CCDC51: variants seen among roughly 807,000 people sequenced by gnomAD.
The protein encoded by CCDC51 is mitochondrial potassium channel.
CCDC51 carries 25 observed loss-of-function variants against 24.8 expected under a neutral mutation model. The observed-to-expected ratio is 1.01, with a 90% CI of 0.73 to 1.41. The LOEUF is 1.41. Ranked by LOEUF, CCDC51 falls within the 40% of genes most tolerant of loss-of-function variation. The pLI is 0.00. For missense variants in CCDC51, 466 were observed against 519.1 expected, an observed-to-expected ratio of 0.90 and a Z score of 0.99; for synonymous variants, 190 against 204.3, an observed-to-expected ratio of 0.93 and a Z score of 0.60.
upstream of CCDC51, chr3:48,440,715 T>G: frequency 8.3e-7 from 1 of 1,206,626 alleles, no homozygotes. Context: ...TTTTCCTGCC[T>G]CCTGAACTGC....
In CCDC51 at chr3:48,434,106, T is replaced by C. The variant is rs1231890059; in HGVS notation, c.313-235A>G. 9.8e-6 allele frequency: 8 copies of C among 818,308 alleles called. No homozygotes were observed. In the East Asian group the frequency reaches 2.1e-4, roughly 21 times the overall value. 50.7% of individuals were successfully genotyped at this position (818,308 alleles called of 1,614,324 possible). A position where few individuals can be genotyped will look rare whatever the true frequency, so the allele number is the denominator to read the frequency against. On this transcript the variant is annotated intron_variant, in intron 2 of 3. Coordinates refer to ENST00000395694, the MANE Select transcript of CCDC51 (RefSeq NM_001256964.2). Reference sequence around the variant, plus strand: ...CATTCAAGCAGAAATAACATGCCCCTGAAAAAACTTGAAAACAGCTAACAA... The same window carrying C: ...CATTCAAGCAGAAATAACATGCCCCCGAAAAAACTTGAAAACAGCTAACAA...
Position 48,435,914 on chromosome 3 carries a change from C to A in CCDC51, c.-8-778G>T, listed in dbSNP as rs1333909300. ...CTTCCATAAGCTTTCTCTTTCCTCTCCAACCTGCCATTGCTCAACAGGTTA... is the reference window on the plus strand; with the variant it reads ...CTTCCATAAGCTTTCTCTTTCCTCTACAACCTGCCATTGCTCAACAGGTTA... On this transcript the variant is annotated intron_variant, in intron 1 of 3. Transcript: ENST00000395694. This position sits in a 1 kb window ranked among gnomAD's most constrained non-coding sequence, Gnocchi z 4.2. Among the ~76,000 whole-genome samples, 1 of 152,232 alleles carries A rather than the reference C, an allele frequency of 6.6e-6. No homozygotes were observed. Among genetic ancestry groups the A allele is most frequent in the African/African-American group, 2.4e-5 (1 of 41,472 alleles).
chr3:48,433,888 G>T lies in CCDC51; in HGVS notation c.313-17C>A. On this transcript the variant is annotated splice_polypyrimidine_tract_variant and intron_variant, in intron 2 of 3. Transcript: ENST00000395694. The surrounding 1 kb of genome is among the most constrained non-coding windows in gnomAD (Gnocchi z 4.4). ...TTTCTCAGCCTGCAAAGAGAAAACC[G>T]GAGGCCATCTGCACCTTCTCTCCAC... The T allele has an allele frequency of 6.2e-7, 1 of 1,609,496 alleles. No individual in the cohort carries two copies.
upstream of CCDC51, among the ~76,000 whole-genome samples, chr3:48,443,552 G>A (rs752717142): frequency 1.5e-4 from 23 of 151,614 alleles, no homozygotes; most frequent in Non-Finnish European, 3.4e-4. Flanking sequence ...AAAAAAAAAG[G>A]ACTTCTTTTT....
chr3:48,443,400 A>T (rs2039611324), upstream of CCDC51, among the ~76,000 whole-genome samples: 1 of 151,840 alleles, frequency 6.6e-6, no homozygotes, highest in Admixed American at 6.6e-5. Flanking sequence ...TACAAAAATT[A>T]GCCAGGGCTT....
chr3:48,432,612 T>C lies in CCDC51; in HGVS notation c.1032A>G (p.Ala344=), dbSNP rs2039207752. 6.2e-7 allele frequency: 1 copy of C among 1,614,254 alleles called. No homozygotes were observed. Among genetic ancestry groups the C allele is most frequent in the African/African-American group, 1.3e-5 (1 of 75,072 alleles). Residue 344 remains alanine, a synonymous_variant, in exon 4 of 4, where the codon GCA becomes GCG. Transcript: ENST00000395694. ...MAGVVQLVKS[A]AHPGLVEPAD... is the part of the protein sequence containing the mutation. Reference sequence around the variant, plus strand: ...CTGGTTCCACCAGGCCTGGGTGTGCTGCAGACTTTACAAGCTGAACCACCC... The same window carrying C: ...CTGGTTCCACCAGGCCTGGGTGTGCCGCAGACTTTACAAGCTGAACCACCC...
chr3:48,439,173 A>G (rs1219644990), intron 1 of CCDC51, among the ~76,000 whole-genome samples: 1 of 152,142 alleles, frequency 6.6e-6, no homozygotes, highest in Non-Finnish European at 1.5e-5. Context: ...CATATATCAC[A>G]TGACCTGCAA....
Position 48,432,911 on chromosome 3 carries a change from G to A in CCDC51, c.733C>T (p.Gln245Ter), listed in dbSNP as rs763685857. The change falls in exon 4 of 4, where the codon CAA (glutamine) becomes TAA (stop). Residue 245 changes from glutamine to a stop codon, truncating the protein, a stop_gained. Coordinates refer to ENST00000395694, the MANE Select transcript of CCDC51 (RefSeq NM_001256964.2). LOFTEE classifies it high-confidence loss of function. Reference sequence around the variant, plus strand: ...GACGCCTGTTCTCGAATGGCCTCTTGGAGACTCACAGGCCCCTTCTGCGCC... The same window carrying A: ...GACGCCTGTTCTCGAATGGCCTCTTAGAGACTCACAGGCCCCTTCTGCGCC... Reference protein sequence around the residue: ...LEAQKGPVSLQEAIREQASSY... With the variant: ...LEAQKGPVSL 9.9e-6 allele frequency: 16 copies of A among 1,613,936 alleles called. No homozygotes were observed. In the South Asian group the frequency reaches 1.6e-4, roughly 17 times the overall value.
chr3:48,444,731 A>C (rs1013674206), upstream of CCDC51, among the ~76,000 whole-genome samples: 1 of 152,210 alleles, frequency 6.6e-6, no homozygotes, highest in Non-Finnish European at 1.5e-5. Flanking sequence ...GAACTTCTCT[A>C]CTGTGGAAGA....
rs148230990 is a variant in CCDC51, at chr3:48,432,949, G to C, written c.695C>G (p.Ala232Gly). 1.2e-6 allele frequency: 2 copies of C among 1,614,032 alleles called. No homozygotes were observed. Among genetic ancestry groups the C allele is most frequent in the Non-Finnish European group, 1.7e-6 (2 of 1,180,042 alleles). ...VNRVRLQELK[A>G]LLLEAQKGPV... ...CCCCTTCTGCGCCTCCAGGAGTAAA[G>C]CCTTCAGCTCCTGTAGTCGCACACG... Residue 232 changes from alanine to glycine, a missense_variant, in exon 4 of 4, where the codon GCT becomes GGT. Coordinates refer to ENST00000395694, the MANE Select transcript of CCDC51 (RefSeq NM_001256964.2).
Position 48,432,524 on chromosome 3 carries a change from T to C in CCDC51, c.1120A>G (p.Thr374Ala). Residue 374 changes from threonine to alanine, a missense_variant, in exon 4 of 4, where the codon ACG (threonine) becomes GCG (alanine). Coordinates refer to ENST00000395694, the MANE Select transcript of CCDC51 (RefSeq NM_001256964.2). ...QGSMILALSDTEQRLEAQVNR... is the reference protein window; with the variant it reads ...QGSMILALSDAEQRLEAQVNR... ...ACTTGGGCTTCTAGTCTCTGCTCCG[T>C]GTCTGACAGTGCCAAGATCATGCTC... 1.2e-6 allele frequency: 2 copies of C among 1,614,216 alleles called. No individual in the cohort carries two copies. Among genetic ancestry groups the C allele is most frequent in the Admixed American group, 1.7e-5 (1 of 60,032 alleles).
chr3:48,440,295 C>G (rs1163502495), upstream of CCDC51: 1 of 1,605,656 alleles, frequency 6.2e-7, no homozygotes, highest in Non-Finnish European at 8.5e-7. Flanking sequence ...GCGGCAGGCG[C>G]CATGTCCGGC....
upstream of CCDC51, among the ~76,000 whole-genome samples, chr3:48,443,151 G>A (rs7636044): frequency 0.57 from 85,328 of 148,922 alleles, 24,264 homozygotes; most frequent in East Asian, 0.71. Context: ...CATGCATGAA[G>A]AATCACTTGA....
At chr3:48,436,187 C>T (rs746530571) in intron 1 of CCDC51, among the ~76,000 whole-genome samples, 1 of 152,138 alleles carries the variant, frequency 6.6e-6, no homozygotes, top group Non-Finnish European at 1.5e-5. Flanking sequence ...GCTGTGAGAG[C>T]GACACCTGGT....
chr3:48,446,590 A>T, the CCDC51 span: 1 of 344,328 alleles, frequency 2.9e-6, no homozygotes, highest in Non-Finnish European at 5.1e-6. Context: ...GTCGCGCCGC[A>T]CTGAGTCCTT....
rs1012138586 is a variant in CCDC51, at chr3:48,435,756, C to A, written c.-8-620G>T. ...AAGACAGAAAACTCTCAGCTCTCCTCTAAGATAATTCCAGGGGCAAAAAAA... is the reference window on the plus strand; with the variant it reads ...AAGACAGAAAACTCTCAGCTCTCCTATAAGATAATTCCAGGGGCAAAAAAA... On this transcript the variant is annotated intron_variant, in intron 1 of 3. Coordinates refer to ENST00000395694, the MANE Select transcript of CCDC51 (RefSeq NM_001256964.2). The surrounding 1 kb of genome is among the most constrained non-coding windows in gnomAD (Gnocchi z 4.2). 1.3e-5 allele frequency among the ~76,000 whole-genome samples: 2 copies of A among 152,038 alleles called. No homozygotes were observed. The highest frequency in any genetic ancestry group is 2.9e-5 in the Non-Finnish European group (2 of 67,986).
chr3:48,440,063 C>G lies in CCDC51; in HGVS notation c.-84G>C. 1.5e-6 allele frequency: 1 copy of G among 670,544 alleles called. No homozygotes were observed. Among genetic ancestry groups the G allele is most frequent in the East Asian group, 2.8e-5 (1 of 35,118 alleles). The allele number at this position is 670,544 out of a possible 1,614,324, so 41.5% of individuals were successfully genotyped here. On this transcript the variant is annotated 5_prime_UTR_variant, in exon 1 of 4. Transcript: ENST00000395694. ...AAGTACCCCTCCTACGGTTCCGATT[C>G]TACCCTGGCAGGACAACCCTAGCTC... is the stretch of plus-strand genomic sequence containing the variant.
chr3:48,432,579 C>T lies in CCDC51; in HGVS notation c.1065G>A (p.Gly355=). The change falls in exon 4 of 4, where the codon GGG becomes GGA. Residue 355 remains glycine, a synonymous_variant. Coordinates refer to ENST00000395694, the MANE Select transcript of CCDC51 (RefSeq NM_001256964.2). ...AHPGLVEPAD[G]AMPSFLLEQG... is the part of the protein sequence containing the mutation. ...GCTCCAGCAAGAAGCTGGGCATAGC[C>T]CCGTCTGCTGGTTCCACCAGGCCTG... 6.2e-7 allele frequency: 1 copy of T among 1,614,254 alleles called. No homozygotes were observed. Among genetic ancestry groups the T allele is most frequent in the South Asian group, 1.1e-5 (1 of 91,092 alleles).
Position 48,433,870 on chromosome 3 carries a change from G to C in CCDC51, c.314C>G (p.Ala105Gly). Residue 105 changes from alanine (A) to glycine (G), a missense_variant and splice_region_variant, in exon 3 of 4, where the codon GCT (alanine) becomes GGT (glycine). Coordinates refer to ENST00000395694, the MANE Select transcript of CCDC51 (RefSeq NM_001256964.2). This position sits in a 1 kb window ranked among gnomAD's most constrained non-coding sequence, Gnocchi z 4.4. ...TCGAGCCACCATGAACACTTTCTCAGCCTGCAAAGAGAAAACCGGAGGCCA... is the reference window on the plus strand; with the variant it reads ...TCGAGCCACCATGAACACTTTCTCACCCTGCAAAGAGAAAACCGGAGGCCA... Reference protein sequence around the residue: ...VREAQGKVTEAEKVFMVARGL... With the variant: ...VREAQGKVTEGEKVFMVARGL... The C allele has an allele frequency of 6.2e-7, 1 of 1,612,920 alleles. No individual in the cohort carries two copies. The highest frequency in any genetic ancestry group is 8.5e-7 in the Non-Finnish European group (1 of 1,179,350).
Sources: gnomAD v4.1 joint callset for allele counts (sites outside exome capture counted in the v4.1 genomes callset) on GRCh38, gnomAD v4.1.1 for gene constraint, Gnocchi (gnomAD v3.1) non-coding constraint, MANE v1.5 for transcripts, NCBI Gene and HGNC (gene_info 2026-07-23, HGNC 2026-07-21) for gene names.